MCMDC2: variants seen among roughly 807,000 people sequenced by gnomAD.
MCMDC2 encodes minichromosome maintenance domain containing 2.
A neutral mutation model predicts 75.8 loss-of-function variants in MCMDC2; 54 were observed. The ratio of observed to expected loss-of-function variants is 0.71; its 90% CI spans 0.57 to 0.89. The LOEUF is 0.89. Ranked by LOEUF, MCMDC2 falls within the 40% of genes least tolerant of loss-of-function variation. The pLI is 0.00. For synonymous variants in MCMDC2, 249 were observed against 274.6 expected (o/e 0.91, Z 0.92); for missense variants, 656 against 780.4 (o/e 0.84, Z 1.90).
In MCMDC2 at chr8:66,881,083, G is replaced by GTAT. The variant is rs1811537135; in HGVS notation, c.835+109_835+110insTAT. The stretch of plus-strand genomic sequence containing the variant: ...TGCTAGGCATTCCTCTAAGCACTAA[G>GTAT]AATACAGTTGTAAACAGGACAGTCA... On this transcript the variant is annotated intron_variant, in intron 8 of 14. Transcript: ENST00000422365. The GTAT allele has an allele frequency of 1.0e-5, 9 of 877,832 alleles. No homozygotes were observed. The Admixed American group carries it at 3.7e-4, about 36-fold the overall frequency. The allele number at this position is 877,832 out of a possible 1,614,324, so 54.4% of individuals were successfully genotyped here.
intron 9 of MCMDC2, 160 bp downstream of exon 9, chr8:66,884,154 T>C: frequency 3.4e-6 from 2 of 594,932 alleles, no homozygotes; most frequent in Non-Finnish European, 5.9e-6. Context: ...CTTTGAAAGA[T>C]AAATTGATAA....
intron 8 of MCMDC2, 143 bp from the exon 9 acceptor site, chr8:66,883,611 TAAC>T: frequency 1.7e-6 from 1 of 591,936 alleles, no homozygotes; most frequent in Non-Finnish European, 2.9e-6. Context: ...CTGGGAAACA[TAAC>T]AAGATCCTGT....
At chr8:66,915,443 C>T (rs1813274226) in intron 14 of MCMDC2, among the ~76,000 whole-genome samples, 1 of 146,782 alleles carries the variant, frequency 6.8e-6, no homozygotes, top group South Asian at 2.1e-4. Context: ...CAAAGCCAGA[C>T]TCCGTCTCAA....
intron 13 of MCMDC2, 184 bp downstream of exon 13, chr8:66,901,532 T>G (rs1812660879): frequency 8.5e-6 from 11 of 1,291,742 alleles, no homozygotes; most frequent in Non-Finnish European, 1.1e-5. Flanking sequence ...TGTTACATCA[T>G]TTTAATCTCT....
At chr8:66,894,713 G>T (rs1284153286) in intron 10 of MCMDC2, among the ~76,000 whole-genome samples, 1 of 152,014 alleles carries the variant, frequency 6.6e-6, no homozygotes, top group Non-Finnish European at 1.5e-5. Flanking sequence ...ATTTAGAATG[G>T]CAATACTACT....
intron 5 of MCMDC2, among the ~76,000 whole-genome samples, chr8:66,877,989 T>C (rs1312077512): frequency 1.3e-5 from 2 of 152,102 alleles, no homozygotes; most frequent in African/African-American, 4.8e-5. Context: ...TGTTTATATA[T>C]TTACTTTGCA....
At chr8:66,901,580 A>G (rs768802292) in intron 13 of MCMDC2, 58 of 1,194,582 alleles carry the variant, frequency 4.9e-5, no homozygotes, top group Non-Finnish European at 6.0e-5. Context: ...ATTGGATGCC[A>G]TATGAGATAT....
At chr8:66,925,756 T>C (rs972239536), downstream of MCMDC2, among the ~76,000 whole-genome samples, 1 of 152,214 alleles carries the variant, frequency 6.6e-6, no homozygotes, top group Admixed American at 6.5e-5. Flanking sequence ...GGGGGCTTTG[T>C]GACTTCCCGC....
Position 66,919,270 on chromosome 8 carries a change from C to A in MCMDC2, c.*101C>A. The A allele has an allele frequency of 1.1e-6, 1 of 876,062 alleles. No individual in the cohort carries two copies. Among genetic ancestry groups the A allele is most frequent in the Non-Finnish European group, 1.7e-6 (1 of 595,376 alleles). 54.3% of individuals were successfully genotyped at this position (876,062 alleles called of 1,614,324 possible). A position where few individuals can be genotyped will look rare whatever the true frequency, so the allele number is the denominator to read the frequency against. ...AGTAATGCTTTGATAATACTCTGTA[C>A]AGGAATATATTACAATACTGTTTTT... On this transcript the variant is annotated 3_prime_UTR_variant, in exon 15 of 15. Coordinates refer to ENST00000422365, the MANE Select transcript of MCMDC2 (RefSeq NM_173518.5).
chr8:66,886,494 T>C (rs1811846273), intron 9 of MCMDC2, among the ~76,000 whole-genome samples: 1 of 152,134 alleles, frequency 6.6e-6, no homozygotes. Flanking sequence ...GCCAGTTAGC[T>C]GAGCGCAGTG....
Position 66,896,249 on chromosome 8 carries a change from A to G in MCMDC2, c.1359A>G (p.Pro453=), listed in dbSNP as rs141110818. ...GEDIDQQMTF[P]VQCSFWSFVD... Reference sequence around the variant, plus strand: ...ATATTGATCAACAGATGACTTTTCCAGTTCAGTGCAGTTTTTGGTCTTTTG... The same window carrying G: ...ATATTGATCAACAGATGACTTTTCCGGTTCAGTGCAGTTTTTGGTCTTTTG... Residue 453 remains proline (P), a synonymous_variant, in exon 11 of 15, where the codon CCA becomes CCG. Coordinates refer to ENST00000422365, the MANE Select transcript of MCMDC2 (RefSeq NM_173518.5). The G allele has an allele frequency of 5.8e-5, 94 of 1,612,056 alleles. No individual in the cohort carries two copies. The African/African-American group carries it at 1.2e-3, about 20-fold the overall frequency.
intron 12 of MCMDC2, among the ~76,000 whole-genome samples, chr8:66,899,335 T>C (rs1469042057): frequency 2.0e-5 from 3 of 152,192 alleles, no homozygotes; most frequent in African/African-American, 7.2e-5. Flanking sequence ...AGGATATTGG[T>C]GGCTCATCAT....
Position 66,896,126 on chromosome 8 carries a change from C to A in MCMDC2, c.1280-44C>A, listed in dbSNP as rs573742214. On this transcript the variant is annotated intron_variant, in intron 10 of 14. Coordinates refer to ENST00000422365, the MANE Select transcript of MCMDC2 (RefSeq NM_173518.5). ...GTTAGCAATTTGTAGACATTTAGAC[C>A]AAAATGAACTTAAATAACAAATGGA... The A allele has an allele frequency of 3.0e-5, 47 of 1,565,080 alleles. No individual in the cohort carries two copies. In the South Asian group the frequency reaches 4.9e-4, roughly 16 times the overall value.
intron 14 of MCMDC2, among the ~76,000 whole-genome samples, chr8:66,912,131 GT>G (rs1286215902): frequency 6.6e-6 from 1 of 152,194 alleles, no homozygotes; most frequent in Non-Finnish European, 1.5e-5. Context: ...ATGGGAGGAG[GT>G]TAAAATATCT....
downstream of MCMDC2, among the ~76,000 whole-genome samples, chr8:66,924,736 T>A (rs1348679232): frequency 6.6e-6 from 1 of 152,114 alleles, no homozygotes; most frequent in Non-Finnish European, 1.5e-5. Flanking sequence ...CACATCTCTA[T>A]GTAAATACAA....
At chr8:66,880,706 A>G in intron 7 of MCMDC2, 143 bp from the exon 8 acceptor site, 1 of 777,236 alleles carries the variant, frequency 1.3e-6, no homozygotes. Flanking sequence ...GTGTCACTCT[A>G]TATGGATATT....
At chr8:66,885,665 A>G (rs182491794) in intron 9 of MCMDC2, among the ~76,000 whole-genome samples, 173 of 152,244 alleles carry the variant, frequency 1.1e-3, no homozygotes, top group African/African-American at 3.9e-3. Flanking sequence ...AGATCTTATC[A>G]TCATCACTAA....
At chr8:66,908,068 G>C (rs1249475100) in intron 14 of MCMDC2, among the ~76,000 whole-genome samples, 1 of 152,122 alleles carries the variant, frequency 6.6e-6, no homozygotes, top group Non-Finnish European at 1.5e-5. Flanking sequence ...AAGCTCTTTA[G>C]CTTAATTAGA....
intron 4 of MCMDC2, 150 bp downstream of exon 4, chr8:66,874,736 C>G (rs1811194285): frequency 1.5e-6 from 1 of 687,322 alleles, no homozygotes; most frequent in South Asian, 2.2e-5. Context: ...ATCTTTATTT[C>G]TTGTATTATC....
Sources: allele counts gnomAD v4.1 joint callset (sites outside exome capture counted in the v4.1 genomes callset), GRCh38; gene constraint gnomAD v4.1.1; transcripts MANE v1.5; gene names NCBI Gene and HGNC (gene_info 2026-07-23, HGNC 2026-07-21).